PLXDC2: variants seen among roughly 807,000 people sequenced by gnomAD.
PLXDC2 encodes the protein plexin domain containing 2.
PLXDC2 carries 40 observed loss-of-function variants against 68.9 expected under a neutral mutation model. The observed-to-expected ratio is 0.58, with a 90% CI of 0.45 to 0.76. PLXDC2 has a LOEUF of 0.76. PLXDC2 is among the 30% of genes least tolerant of loss of function. The pLI is 0.00. For synonymous variants in PLXDC2, 243 were observed against 234.2 expected (o/e 1.04, Z -0.34); for missense variants, 644 against 661.9 (o/e 0.97, Z 0.30).
In PLXDC2 at chr10:19,843,583, A is replaced by G. The variant is rs527694668; in HGVS notation, c.112+26392A>G. Reference sequence around the variant, plus strand: ...ACTAAATGTGGTGTATATACACAATAGTTATCTGAAAGAATGAAATCCTGT... The same window carrying G: ...ACTAAATGTGGTGTATATACACAATGGTTATCTGAAAGAATGAAATCCTGT... On this transcript the variant is annotated intron_variant, in intron 1 of 13. Coordinates refer to ENST00000377252, the MANE Select transcript of PLXDC2 (RefSeq NM_032812.9). Among the ~76,000 whole-genome samples the G allele has an allele frequency of 6.6e-5, 10 of 152,364 alleles. No homozygotes were observed. The South Asian group carries it at 1.9e-3, about 28-fold the overall frequency.
chr10:19,817,109 C>T lies in PLXDC2; in HGVS notation c.30C>T (p.Ala10=), dbSNP rs573845253. ...CGAGGTTCCCGAAGGCCGACCTGGCCGCTGCAGGAGTTATGTTACTTTGCC... is the reference window on the plus strand; with the variant it reads ...CGAGGTTCCCGAAGGCCGACCTGGCTGCTGCAGGAGTTATGTTACTTTGCC... MARFPKADL[A]AAGVMLLCHF... is the part of the protein sequence containing the mutation. Residue 10 remains alanine (A), a synonymous_variant, in exon 1 of 14, where the codon GCC becomes GCT. Transcript: ENST00000377252. 13 of 1,564,440 alleles carry T rather than the reference C, an allele frequency of 8.3e-6. No homozygotes were observed. The highest frequency in any genetic ancestry group is 1.0e-5 in the Non-Finnish European group (12 of 1,152,462).
chr10:19,963,462 CAT>C (rs1207310285), intron 1 of PLXDC2, among the ~76,000 whole-genome samples: 2 of 152,114 alleles, frequency 1.3e-5, no homozygotes, highest in African/African-American at 4.8e-5. Context: ...CCACAATAAA[CAT>C]ATGTGTGCAT....
At chr10:20,141,106 G>A (rs1306736314) in intron 4 of PLXDC2, among the ~76,000 whole-genome samples, 1 of 151,590 alleles carries the variant, frequency 6.6e-6, no homozygotes, top group African/African-American at 2.4e-5. Context: ...TTACTTCTTT[G>A]GAAACAATTT....
chr10:20,184,343 CATAAT>C lies in PLXDC2; in HGVS notation c.1061+6938_1061+6942del, dbSNP rs1274591771. 3.4e-5 allele frequency among the ~76,000 whole-genome samples: 5 copies of C among 147,696 alleles called. No individual in the cohort carries two copies. The Admixed American group carries it at 3.4e-4, about 10-fold the overall frequency. On this transcript the variant is annotated intron_variant, in intron 9 of 13. Coordinates refer to ENST00000377252, the MANE Select transcript of PLXDC2 (RefSeq NM_032812.9). Reference sequence around the variant, plus strand: ...ATACTTGTTTTATGTGTATATAAAACATAATATATAAAAATTATATGTAATATATA... The same window carrying C: ...ATACTTGTTTTATGTGTATATAAAACATATAAAAATTATATGTAATATATA...
At chr10:20,224,551 T>C (rs962663382) in intron 12 of PLXDC2, among the ~76,000 whole-genome samples, 7 of 152,192 alleles carry the variant, frequency 4.6e-5, no homozygotes, top group East Asian at 1.9e-4. Context: ...GCAAACTGGA[T>C]AAAGTTATAC....
intron 7 of PLXDC2, among the ~76,000 whole-genome samples, chr10:20,167,658 C>T (rs1379847217): frequency 6.6e-6 from 1 of 152,078 alleles, no homozygotes; most frequent in African/African-American, 2.4e-5. Context: ...TTACATAGAA[C>T]CCTGTTCTCA....
At chr10:19,912,706 C>A (rs1833296289) in intron 1 of PLXDC2, among the ~76,000 whole-genome samples, 1 of 151,942 alleles carries the variant, frequency 6.6e-6, no homozygotes. Context: ...GCCACAAATC[C>A]TTTTAGAAGT....
At chr10:19,937,070 G>C (rs1440979666) in intron 1 of PLXDC2, among the ~76,000 whole-genome samples, 1 of 152,148 alleles carries the variant, frequency 6.6e-6, no homozygotes, top group Non-Finnish European at 1.5e-5. Flanking sequence ...ATGACATTGA[G>C]ACTTAGACCC....
At chr10:19,872,911 G>C (rs1589512237) in intron 1 of PLXDC2, among the ~76,000 whole-genome samples, 1 of 152,178 alleles carries the variant, frequency 6.6e-6, no homozygotes, top group East Asian at 1.9e-4. Flanking sequence ...GTGCGGGAAA[G>C]AGTCTGGACT....
chr10:19,965,851 G>A (rs1046701480), intron 1 of PLXDC2, among the ~76,000 whole-genome samples: 3 of 152,076 alleles, frequency 2.0e-5, no homozygotes, highest in African/African-American at 7.2e-5. Context: ...CCTGGTTTTA[G>A]AATGAAGTTC....
At chr10:19,919,234 A>G (rs1833418926) in intron 1 of PLXDC2, among the ~76,000 whole-genome samples, 1 of 152,238 alleles carries the variant, frequency 6.6e-6, no homozygotes, top group African/African-American at 2.4e-5. Flanking sequence ...CTTATCCAAA[A>G]GGGTGAAAAT....
chr10:20,054,088 C>A (rs571330264), intron 3 of PLXDC2, among the ~76,000 whole-genome samples: 18 of 152,040 alleles, frequency 1.2e-4, no homozygotes, highest in Non-Finnish European at 2.4e-4. Context: ...GGGCTCAGTT[C>A]TGAATGTAGC....
chr10:20,199,222 T>G (rs560847706), intron 9 of PLXDC2, among the ~76,000 whole-genome samples: 1 of 152,084 alleles, frequency 6.6e-6, no homozygotes, highest in East Asian at 1.9e-4. Flanking sequence ...TTGATAAAAT[T>G]TAACCATTTT....
At chr10:20,272,101 T>A (rs1297708896) in intron 13 of PLXDC2, among the ~76,000 whole-genome samples, 1 of 152,126 alleles carries the variant, frequency 6.6e-6, no homozygotes, top group African/African-American at 2.4e-5. Flanking sequence ...GCAAGAGGGC[T>A]ACAGGGGAAG....
At chr10:20,044,094 CCCTTCCTTCCTTCCTT>C (rs376988347) in intron 2 of PLXDC2, among the ~76,000 whole-genome samples, 4 of 32,826 alleles carry the variant, frequency 1.2e-4, no homozygotes, top group Non-Finnish European at 3.3e-4. Context: ...TGGCTTTTTC[CCCTTCCTTCCTTCCTT>C]CCTTCCTTCC....
chr10:19,981,471 T>TTGCA (rs1478161158), intron 1 of PLXDC2, among the ~76,000 whole-genome samples: 9 of 152,210 alleles, frequency 5.9e-5, no homozygotes, highest in Non-Finnish European at 1.3e-4. Context: ...TGAACCTCAT[T>TTGCA]CCGTTGGAGA....
intron 1 of PLXDC2, among the ~76,000 whole-genome samples, chr10:19,899,554 C>A (rs1020820802): frequency 6.6e-6 from 1 of 152,040 alleles, no homozygotes; most frequent in Non-Finnish European, 1.5e-5. Context: ...CAGAAAGGAC[C>A]TTTGAAGCTT....
chr10:19,860,255 T>A (rs1837294402), intron 1 of PLXDC2, among the ~76,000 whole-genome samples: 4 of 152,178 alleles, frequency 2.6e-5, no homozygotes, highest in Admixed American at 2.6e-4. Flanking sequence ...TGTTCACTGG[T>A]AAAGTAAATC....
intron 1 of PLXDC2, among the ~76,000 whole-genome samples, chr10:19,921,309 C>G (rs1236001763): frequency 6.6e-6 from 1 of 152,080 alleles, no homozygotes; most frequent in East Asian, 1.9e-4. Context: ...AAAGTATGTT[C>G]ACAGGACATC....
Sources: gnomAD v4.1 joint callset for allele counts (sites outside exome capture counted in the v4.1 genomes callset) on GRCh38, gnomAD v4.1.1 for gene constraint, MANE v1.5 for transcripts, NCBI Gene and HGNC (gene_info 2026-07-23, HGNC 2026-07-21) for gene names.